ERICH2: variants seen among roughly 807,000 people sequenced by gnomAD.
The protein encoded by ERICH2 is glutamate rich 2, also known as glutamate-rich protein 2.
A neutral mutation model predicts 17.4 loss-of-function variants in ERICH2; 17 were observed. The observed-to-expected ratio is 0.98, with a 90% confidence interval of 0.67 to 1.47. ERICH2 has a LOEUF of 1.47. ERICH2 is among the 40% of genes most tolerant of loss of function. The probability of loss-of-function intolerance (pLI) is 0.00; values close to 1 mark genes in which losing one functional copy is unlikely to be tolerated. For synonymous variants in ERICH2, 51 were observed against 61.1 expected, an observed-to-expected ratio of 0.83 and a Z score of 0.77; for missense variants, 186 against 183.2, an observed-to-expected ratio of 1.01 and a Z score of -0.09.
At chr2:170,789,127 A>C (rs968831262) in intron 2 of ERICH2, among the ~76,000 whole-genome samples, 4 of 140,638 alleles carry the variant, frequency 2.8e-5, no homozygotes, top group Non-Finnish European at 6.2e-5. Flanking sequence ...TGCCTGGCTA[A>C]TTTTTTTTTT....
chr2:170,774,646 A>G, the ERICH2 span, among the ~76,000 whole-genome samples: 14 of 148,432 alleles, frequency 9.4e-5, no homozygotes, highest in Non-Finnish European at 2.1e-4. Flanking sequence ...GCTCACTGCA[A>G]CCTTCACCTT....
At chr2:170,787,638 A>T (rs191067103) in intron 2 of ERICH2, among the ~76,000 whole-genome samples, 2 of 152,182 alleles carry the variant, frequency 1.3e-5, no homozygotes, top group African/African-American at 4.8e-5. Context: ...TCAAAGAAAC[A>T]CCTCTGCAGA....
At chr2:170,779,970 C>A, upstream of ERICH2, 1 of 405,874 alleles carries the variant, frequency 2.5e-6, no homozygotes, top group Non-Finnish European at 3.3e-6. Flanking sequence ...ATAGAAATCT[C>A]CTGAAAGAAT....
At chr2:170,785,887 A>G (rs925341064) in intron 2 of ERICH2, among the ~76,000 whole-genome samples, 1 of 151,834 alleles carries the variant, frequency 6.6e-6, no homozygotes, top group African/African-American at 2.4e-5. Context: ...GCTTGTTGTG[A>G]TATCACAGTC....
the ERICH2 span, among the ~76,000 whole-genome samples, chr2:170,774,964 A>T: frequency 1.3e-5 from 2 of 152,136 alleles, no homozygotes; most frequent in Non-Finnish European, 2.9e-5. Flanking sequence ...CTAGCTAATG[A>T]TAAAGCCAGA....
chr2:170,775,129 G>A, the ERICH2 span, among the ~76,000 whole-genome samples: 1 of 22,120 alleles, frequency 4.5e-5, no homozygotes, highest in African/African-American at 8.3e-5. Flanking sequence ...AGAAAGGAGA[G>A]GACTGCTCTA....
intron 2 of ERICH2, among the ~76,000 whole-genome samples, chr2:170,792,519 A>G (rs182201555): frequency 6.6e-6 from 1 of 152,238 alleles, no homozygotes; most frequent in Non-Finnish European, 1.5e-5. Flanking sequence ...CTAAGTTACA[A>G]ATGAAACCTG....
At chr2:170,794,467 T>C (rs904732735) in intron 3 of ERICH2, among the ~76,000 whole-genome samples, 85 of 152,282 alleles carry the variant, frequency 5.6e-4, no homozygotes, top group Non-Finnish European at 1.5e-5. Context: ...TTTTGGTTTC[T>C]TTATTCTATC....
chr2:170,775,522 G>A, the ERICH2 span: 1 of 152,162 alleles, frequency 6.6e-6, no homozygotes, highest in Admixed American at 6.5e-5. Context: ...TCTGTGAAAT[G>A]AAAGTGTCTC....
chr2:170,791,729 AAAAT>A (rs905802334), intron 2 of ERICH2, among the ~76,000 whole-genome samples: 1 of 146,254 alleles, frequency 6.8e-6, no homozygotes, highest in African/African-American at 2.5e-5. Context: ...AAAATAAAAT[AAAAT>A]AAATAATTAG....
chr2:170,787,765 C>A (rs1427975288), intron 2 of ERICH2, among the ~76,000 whole-genome samples: 1 of 152,192 alleles, frequency 6.6e-6, no homozygotes, highest in Non-Finnish European at 1.5e-5. Flanking sequence ...TCACTGGTTT[C>A]TGTTTAGATT....
chr2:170,797,391 G>C (rs553749667), intron 3 of ERICH2, among the ~76,000 whole-genome samples: 1 of 152,320 alleles, frequency 6.6e-6, no homozygotes, highest in South Asian at 2.1e-4. Flanking sequence ...ATATTTTGCA[G>C]AATTTGTACC....
At chr2:170,798,261 T>C (rs1701478764) in intron 4 of ERICH2, 149 bp downstream of exon 9, 1 of 643,212 alleles carries the variant, frequency 1.6e-6, no homozygotes, top group Middle Eastern at 4.1e-4. Context: ...GTGAAACAGC[T>C]TGTCCTCTGT....
chr2:170,774,562 A>T, the ERICH2 span, among the ~76,000 whole-genome samples: 2 of 67,756 alleles, frequency 3.0e-5, no homozygotes, highest in Non-Finnish European at 2.7e-5. Context: ...CAAGAGCCCC[A>T]TCTTTTTTTT....
chr2:170,778,788 A>C (rs760501507), upstream of ERICH2, among the ~76,000 whole-genome samples: 6 of 152,212 alleles, frequency 3.9e-5, no homozygotes, highest in Non-Finnish European at 8.8e-5. Context: ...AGAAGTTACT[A>C]GATCATAGAT....
At chr2:170,792,474 A>G (rs1548903) in intron 2 of ERICH2, among the ~76,000 whole-genome samples, 145,391 of 152,288 alleles carry the variant, frequency 0.95, 69,745 homozygotes, top group East Asian at 1. Flanking sequence ...CATTTTGTAA[A>G]TCTGCATTTT....
upstream of ERICH2, among the ~76,000 whole-genome samples, chr2:170,781,193 T>C (rs1701017212): frequency 6.6e-6 from 1 of 152,180 alleles, no homozygotes; most frequent in Non-Finnish European, 1.5e-5. Flanking sequence ...TGGATTCACA[T>C]TTCCATGAGG....
chr2:170,786,284 T>C (rs1035380173), intron 2 of ERICH2, among the ~76,000 whole-genome samples: 5 of 151,626 alleles, frequency 3.3e-5, no homozygotes, highest in African/African-American at 1.2e-4. Flanking sequence ...AAAACAAATT[T>C]TTAGCTAGAG....
chr2:170,792,252 G>T (rs1250861064), intron 2 of ERICH2, among the ~76,000 whole-genome samples: 1 of 152,050 alleles, frequency 6.6e-6, no homozygotes, highest in Admixed American at 6.6e-5. Context: ...ATACTTGAAA[G>T]AATATACATG....
Sources: gnomAD v4.1 joint callset for allele counts (sites outside exome capture counted in the v4.1 genomes callset) on GRCh38, gnomAD v4.1.1 for gene constraint, MANE v1.5 for transcripts, NCBI Gene and HGNC (gene_info 2026-07-23, HGNC 2026-07-21) for gene names.